HS3ST5: variants seen among roughly 807,000 people sequenced by gnomAD.
The protein encoded by HS3ST5 is heparan sulfate glucosamine 3-O-sulfotransferase 5.
HS3ST5 carries 10 observed loss-of-function variants against 25.4 expected under a neutral mutation model. The observed-to-expected ratio is 0.39, with a 90% confidence interval of 0.24 to 0.67. The LOEUF is 0.67. HS3ST5 is among the 30% of genes least tolerant of loss of function. HS3ST5 has a pLI of 0.44. For missense variants in HS3ST5, 324 were observed against 420.7 expected, an observed-to-expected ratio of 0.77 and a Z score of 2.01; for synonymous variants, 170 against 162.4, an observed-to-expected ratio of 1.05 and a Z score of -0.36.
At chr6:114,128,658 G>C (rs1777166094) in intron 3 of HS3ST5, among the ~76,000 whole-genome samples, 1 of 152,166 alleles carries the variant, frequency 6.6e-6, no homozygotes, top group African/African-American at 2.4e-5. Context: ...TAAACCTGTA[G>C]ATTTTACAAC....
chr6:114,121,518 T>A (rs1684704501), intron 3 of HS3ST5, among the ~76,000 whole-genome samples: 2 of 152,140 alleles, frequency 1.3e-5, no homozygotes, highest in South Asian at 2.1e-4. Context: ...AACAAAAAAA[T>A]TGGTAATATC....
chr6:114,102,023 A>T (rs1775761625), intron 3 of HS3ST5, among the ~76,000 whole-genome samples: 1 of 152,186 alleles, frequency 6.6e-6, no homozygotes, highest in Admixed American at 6.6e-5. Context: ...CACAAAGATG[A>T]GAACAAGAGA....
In HS3ST5 at chr6:114,098,560, T is replaced by TTAAAA. The variant is rs1775563324; in HGVS notation, c.-32-35684_-32-35683insTTTTA. Among the ~76,000 whole-genome samples, 4 of 148,140 alleles carry TTAAAA rather than the reference T, an allele frequency of 2.7e-5. No homozygotes were observed. The Admixed American group carries it at 2.7e-4, about 10-fold the overall frequency. ...ATATATTTTAATATATAATATTAAATTATATATTTGAAAATGATTATATAT... is the reference window on the plus strand; with the variant it reads ...ATATATTTTAATATATAATATTAAATTAAAATATATATTTGAAAATGATTATATAT... On this transcript the variant is annotated intron_variant, in intron 3 of 4. Coordinates refer to ENST00000312719, the MANE Select transcript of HS3ST5 (RefSeq NM_153612.4).
intron 1 of HS3ST5, among the ~76,000 whole-genome samples, chr6:114,283,896 G>C (rs893382499): frequency 2.0e-5 from 3 of 151,954 alleles, no homozygotes; most frequent in Non-Finnish European, 4.4e-5. Flanking sequence ...AGGAAATACA[G>C]AGAGGAAGAA....
intron 1 of HS3ST5, among the ~76,000 whole-genome samples, chr6:114,243,029 T>C (rs1772212500): frequency 6.6e-6 from 1 of 152,184 alleles, no homozygotes; most frequent in Admixed American, 6.5e-5. Flanking sequence ...TGTGAGAACC[T>C]CTCTGGGTTA....
At chr6:114,319,093 C>T (rs1184146926) in intron 1 of HS3ST5, among the ~76,000 whole-genome samples, 2 of 151,976 alleles carry the variant, frequency 1.3e-5, no homozygotes, top group East Asian at 1.9e-4. Context: ...ATTAAATATG[C>T]ATCCAATTTT....
chr6:114,172,418 G>C (rs1488599423), intron 2 of HS3ST5, among the ~76,000 whole-genome samples: 1 of 152,182 alleles, frequency 6.6e-6, no homozygotes, highest in Non-Finnish European at 1.5e-5. Context: ...TTGATTTTCA[G>C]TTTAACATTT....
At chr6:114,070,194 C>T (rs1347950764) in intron 3 of HS3ST5, among the ~76,000 whole-genome samples, 11 of 151,120 alleles carry the variant, frequency 7.3e-5, no homozygotes. Flanking sequence ...AATAAATATT[C>T]GTTCATTGAT....
At chr6:114,083,470 A>AC (rs755781552) in intron 3 of HS3ST5, among the ~76,000 whole-genome samples, 74 of 151,862 alleles carry the variant, frequency 4.9e-4, no homozygotes, top group Non-Finnish European at 8.7e-4. Context: ...AACTCACACT[A>AC]CCTCCTTTGA....
At chr6:114,313,088 A>G (rs998584683) in intron 1 of HS3ST5, among the ~76,000 whole-genome samples, 2 of 149,536 alleles carry the variant, frequency 1.3e-5, no homozygotes, top group African/African-American at 4.9e-5. Context: ...CAATAAATGC[A>G]TGAAAACATG....
At chr6:114,153,104 G>A (rs760717823) in intron 3 of HS3ST5, among the ~76,000 whole-genome samples, 2 of 152,116 alleles carry the variant, frequency 1.3e-5, no homozygotes, top group African/African-American at 2.4e-5. Context: ...TATTTAACTT[G>A]TTCACTGAAA....
At chr6:114,242,234 T>C (rs1582750833) in intron 1 of HS3ST5, among the ~76,000 whole-genome samples, 1 of 152,308 alleles carries the variant, frequency 6.6e-6, no homozygotes, top group Non-Finnish European at 1.5e-5. Flanking sequence ...TGATTACATA[T>C]TGAAATAATA....
At chr6:114,117,397 C>T (rs917790946) in intron 3 of HS3ST5, among the ~76,000 whole-genome samples, 1 of 152,038 alleles carries the variant, frequency 6.6e-6, no homozygotes. Context: ...TTGAATTTGT[C>T]ATTTCTTAGT....
chr6:114,193,867 A>G (rs747600645), intron 2 of HS3ST5, among the ~76,000 whole-genome samples: 1 of 152,114 alleles, frequency 6.6e-6, no homozygotes, highest in Non-Finnish European at 1.5e-5. Flanking sequence ...CAAATCAGAA[A>G]TCTATTCCTG....
chr6:114,114,958 C>G (rs769074766), intron 3 of HS3ST5, among the ~76,000 whole-genome samples: 2 of 152,046 alleles, frequency 1.3e-5, no homozygotes, highest in African/African-American at 4.8e-5. Flanking sequence ...TTTATAAATG[C>G]AAGGACAGTG....
intron 3 of HS3ST5, among the ~76,000 whole-genome samples, chr6:114,081,942 C>G (rs1774472632): frequency 6.6e-6 from 1 of 152,080 alleles, no homozygotes; most frequent in South Asian, 2.1e-4. Flanking sequence ...CAATCATCAC[C>G]ATAATTAACT....
chr6:114,284,342 G>A (rs912684766), intron 1 of HS3ST5, among the ~76,000 whole-genome samples: 2 of 152,036 alleles, frequency 1.3e-5, no homozygotes, highest in African/African-American at 4.8e-5. Context: ...GCTAGTTGGA[G>A]AGTTGTTACA....
Position 114,342,611 on chromosome 6 carries a change from A to AGCG in HS3ST5, c.-756_-755insCGC, listed in dbSNP as rs1776935805. ...CGGCCGCAGGAGCCGGAGTCCGCGC[A>AGCG]GTGCCGGAGACCGCAGCCGCTCTGC... On this transcript the variant is annotated 5_prime_UTR_variant, in exon 1 of 5. Transcript: ENST00000312719. 6.5e-6 allele frequency: 1 copy of AGCG among 153,482 alleles called. No homozygotes were observed. The highest frequency in any genetic ancestry group is 6.5e-5 in the Admixed American group (1 of 15,282). The allele number at this position is 153,482 out of a possible 1,614,324, so 9.5% of individuals were successfully genotyped here.
intron 3 of HS3ST5, among the ~76,000 whole-genome samples, chr6:114,127,839 A>AATAT (rs375936050): frequency 2.6e-3 from 387 of 149,158 alleles, no homozygotes; most frequent in Non-Finnish European, 3.0e-3. Flanking sequence ...AAAAAGGACA[A>AATAT]ATATATATAT....
Sources: gnomAD v4.1 joint callset for allele counts (sites outside exome capture counted in the v4.1 genomes callset) on GRCh38, gnomAD v4.1.1 for gene constraint, MANE v1.5 for transcripts, NCBI Gene and HGNC (gene_info 2026-07-23, HGNC 2026-07-21) for gene names.